Variants in SMC3 observed in about 807,000 individuals in gnomAD.
SMC3 encodes the protein structural maintenance of chromosomes protein 3.
A neutral mutation model predicts 171.8 loss-of-function variants in SMC3; 20 were observed. The ratio of observed to expected loss-of-function variants is 0.12; its 90% CI spans 0.08 to 0.17. The LOEUF (loss-of-function observed/expected upper bound fraction) is 0.17. SMC3 is among the 10% of genes least tolerant of loss of function. The pLI is 1.00. For synonymous variants in SMC3, 464 were observed against 451.1 expected (o/e 1.03, Z -0.36); for missense variants, 543 against 1,420.4 (o/e 0.38, Z 9.93).
chr10:110,585,245 G>A (rs377273715), intron 13 of SMC3, among the ~76,000 whole-genome samples: 1 of 151,582 alleles, frequency 6.6e-6, no homozygotes, highest in African/African-American at 2.4e-5. Context: ...CTCCCAAAGT[G>A]CTGGGGTTAC....
chr10:110,578,254 A>G (rs1860982286), intron 6 of SMC3, among the ~76,000 whole-genome samples: 1 of 152,030 alleles, frequency 6.6e-6, no homozygotes, highest in African/African-American at 2.4e-5. Context: ...TTGTATTCTT[A>G]GTAGAGACGG....
Position 110,569,009 on chromosome 10 carries a change from G to A in SMC3, c.87G>A (p.Val29=). The change falls in exon 2 of 29, where the codon GTG becomes GTA. Residue 29 remains valine (V), a synonymous_variant. Transcript: ENST00000361804. Reference sequence around the variant, plus strand: ...ATCCCTTCAGTTCAAAACATAATGTGATTGGTAAGTGTTCTTGGTTTACTC... The same window carrying A: ...ATCCCTTCAGTTCAAAACATAATGTAATTGGTAAGTGTTCTTGGTTTACTC... ...IVDPFSSKHN[V]IVGRNGSGKS... is the part of the protein sequence containing the mutation. 1 of 1,591,272 alleles carries A rather than the reference G, an allele frequency of 6.3e-7. No individual in the cohort carries two copies. Among genetic ancestry groups the A allele is most frequent in the Non-Finnish European group, 8.6e-7 (1 of 1,159,334 alleles).
At chr10:110,582,770 G>A (rs1861051530) in intron 10 of SMC3, 128 bp downstream of exon 10, 2 of 722,942 alleles carry the variant, frequency 2.8e-6, no homozygotes, top group Admixed American at 2.1e-5. Context: ...CTGGGCTCAG[G>A]CAATCCTCTT....
At chr10:110,595,447 T>A (rs1459768123) in intron 18 of SMC3, among the ~76,000 whole-genome samples, 7 of 152,218 alleles carry the variant, frequency 4.6e-5, no homozygotes, top group Non-Finnish European at 1.0e-4. Flanking sequence ...ATATAATGTG[T>A]CCCATTGTTA....
intron 3 of SMC3, among the ~76,000 whole-genome samples, chr10:110,574,729 T>C (rs964600756): frequency 6.6e-6 from 1 of 152,186 alleles, no homozygotes; most frequent in African/African-American, 2.4e-5. Context: ...TTGGGTGGAC[T>C]GGGACAAGAA....
chr10:110,579,627 C>A (rs547339689), intron 7 of SMC3, among the ~76,000 whole-genome samples: 2 of 152,226 alleles, frequency 1.3e-5, no homozygotes, highest in East Asian at 3.9e-4. Context: ...CTGTCTTTTT[C>A]CATTAGAATG....
intron 25 of SMC3, 39 bp from the exon 26 acceptor site, chr10:110,602,435 C>A (rs775456813): frequency 6.6e-7 from 1 of 1,526,608 alleles, no homozygotes; most frequent in Admixed American, 1.7e-5. Context: ...ATATATAATT[C>A]TAAGCAAAAT....
chr10:110,597,647 G>A (rs1431359763), intron 19 of SMC3, among the ~76,000 whole-genome samples: 9 of 152,192 alleles, frequency 5.9e-5, no homozygotes, highest in East Asian at 1.9e-4. Flanking sequence ...CACAAAGAGC[G>A]TATGGGGAAA....
intron 4 of SMC3, among the ~76,000 whole-genome samples, chr10:110,576,327 C>T (rs1171492342): frequency 2.0e-5 from 3 of 152,170 alleles, no homozygotes; most frequent in Non-Finnish European, 4.4e-5. Context: ...TGTATATTTA[C>T]AGTAATGTGA....
Position 110,568,910 on chromosome 10 carries a change from G to T in SMC3, c.16-28G>T, listed in dbSNP as rs769565294. 4 of 1,336,212 alleles carry T rather than the reference G, an allele frequency of 3.0e-6. No homozygotes were observed. The South Asian group carries it at 3.5e-5, about 12-fold the overall frequency. 82.8% of individuals were successfully genotyped at this position (1,336,212 alleles called of 1,614,324 possible). A position where few individuals can be genotyped will look rare whatever the true frequency, so the allele number is the denominator to read the frequency against. ...AATGTTAATTTTTTTTGTGGGGTGG[G>T]TTCTCAAAAATGTTTTTTATTTACT... On this transcript the variant is annotated intron_variant, in intron 1 of 28. Coordinates refer to ENST00000361804, the MANE Select transcript of SMC3 (RefSeq NM_005445.4).
chr10:110,594,193 A>G (rs1384010883), intron 18 of SMC3, among the ~76,000 whole-genome samples: 4 of 138,118 alleles, frequency 2.9e-5, no homozygotes, highest in Admixed American at 2.9e-4. Context: ...TTTTTTTTTA[A>G]TTTTTAAATT....
At chr10:110,573,227 C>T (rs1415822270) in intron 2 of SMC3, among the ~76,000 whole-genome samples, 1 of 151,978 alleles carries the variant, frequency 6.6e-6, no homozygotes, top group Non-Finnish European at 1.5e-5. Context: ...TCAAAAAGTA[C>T]CTTAAAATTA....
chr10:110,584,560 T>G (rs1463438344), intron 13 of SMC3, among the ~76,000 whole-genome samples, 164 bp downstream of exon 13: 1 of 152,134 alleles, frequency 6.6e-6, no homozygotes, highest in Non-Finnish European at 1.5e-5. Context: ...ATACATATAG[T>G]TCTTTTTTAA....
intron 23 of SMC3, 29 bp from the exon 24 acceptor site, chr10:110,601,608 T>C: frequency 1.2e-6 from 2 of 1,603,860 alleles, no homozygotes; most frequent in African/African-American, 1.3e-5. Context: ...ATAGGTATTA[T>C]AGCCTAATTT....
chr10:110,580,369 C>T (rs1861013748), intron 7 of SMC3, among the ~76,000 whole-genome samples: 1 of 152,110 alleles, frequency 6.6e-6, no homozygotes. Context: ...GAGAATGGAG[C>T]TCATCTTTTA....
intron 28 of SMC3, among the ~76,000 whole-genome samples, chr10:110,603,678 CATG>C (rs1187207507): frequency 6.6e-6 from 1 of 152,136 alleles, no homozygotes; most frequent in Non-Finnish European, 1.5e-5. Context: ...GATGTTTAGG[CATG>C]ATATTTATTT....
intron 20 of SMC3, 144 bp from the exon 21 acceptor site, chr10:110,599,510 C>T (rs1286211610): frequency 4.6e-6 from 3 of 659,018 alleles, no homozygotes; most frequent in Non-Finnish European, 7.6e-6. Context: ...TTGCTAGAGT[C>T]CTAATTACCA....
rs55837501 is a variant in SMC3, at chr10:110,596,222, C to CA, written c.1964-156dup. ...GAGCAACAAGAGCAAGACCCTGTCT[C>CA]AAAAAAAAAAAAAAAAAAAATCTAG... On this transcript the variant is annotated intron_variant, in intron 18 of 28. Coordinates refer to ENST00000361804, the MANE Select transcript of SMC3 (RefSeq NM_005445.4). Among the ~76,000 whole-genome samples the CA allele has an allele frequency of 0.78, 97,002 of 124,656 alleles. 37,794 individuals carry two copies. Among genetic ancestry groups the CA allele is most frequent in the Non-Finnish European group, 0.83 (51,020 of 61,680 alleles). The allele number at this position is 124,656 out of a possible 152,430, so 81.8% of individuals were successfully genotyped here. A position where few individuals can be genotyped will look rare whatever the true frequency, so the allele number is the denominator to read the frequency against.
chr10:110,575,554 T>A (rs1202686265), intron 4 of SMC3, 151 bp downstream of exon 4: 1 of 702,430 alleles, frequency 1.4e-6, no homozygotes, highest in Non-Finnish European at 2.4e-6. Context: ...GCTGTGAAAT[T>A]TAGCCTAACA....
Sources: allele counts gnomAD v4.1 joint callset (sites outside exome capture counted in the v4.1 genomes callset), GRCh38; gene constraint gnomAD v4.1.1; transcripts MANE v1.5; gene names NCBI Gene and HGNC (gene_info 2026-07-23, HGNC 2026-07-21).